Variants in POLR3A observed in about 807,000 individuals in gnomAD.
The protein encoded by POLR3A is DNA-directed RNA polymerase III subunit RPC1.
In POLR3A, 112 loss-of-function variants were observed where a neutral mutation model predicts 152.8. The ratio of observed to expected loss-of-function variants is 0.73; its 90% CI spans 0.63 to 0.86. The LOEUF is 0.86. Among genes scored for constraint, POLR3A ranks in the 40% least tolerant of loss-of-function variants. The pLI is 0.00. For missense variants in POLR3A, 1,385 were observed against 1,743.1 expected (o/e 0.79, Z 3.66); for synonymous variants, 615 against 652.1 (o/e 0.94, Z 0.87).
chr10:77,992,351 C>G (rs1847257266), intron 20 of POLR3A, among the ~76,000 whole-genome samples: 1 of 150,942 alleles, frequency 6.6e-6, no homozygotes, highest in Non-Finnish European at 1.5e-5. Context: ...CTCACTGTGG[C>G]CTCAAATTCC....
In POLR3A at chr10:78,009,680, G is replaced by A. The variant is rs199733994; in HGVS notation, c.1771-5C>T. 104 of 1,610,584 alleles carry A rather than the reference G, an allele frequency of 6.5e-5. 1 individual carries two copies. The highest frequency in any genetic ancestry group is 2.8e-4 in the African/African-American group (21 of 74,932). Reference sequence around the variant, plus strand: ...TCCCGTCCACAGGGTGACAGGCTGAGGGGGGGAGGAAGCCTGAGAGTCAGT... The same window carrying A: ...TCCCGTCCACAGGGTGACAGGCTGAAGGGGGGAGGAAGCCTGAGAGTCAGT... On this transcript the variant is annotated splice_polypyrimidine_tract_variant and splice_region_variant and intron_variant, in intron 13 of 30. Transcript: ENST00000372371.
intron 19 of POLR3A, among the ~76,000 whole-genome samples, chr10:77,996,277 C>T (rs142483994): frequency 0.13 from 19,281 of 151,990 alleles, 2,356 homozygotes; most frequent in African/African-American, 0.31. Context: ...CAAACACATT[C>T]AAAAGCTAGC....
rs117201371 is a variant in POLR3A, at chr10:78,029,510, A to C, written c.-103T>G. 2 of 1,124,342 alleles carry C rather than the reference A, an allele frequency of 1.8e-6. No homozygotes were observed. Among genetic ancestry groups the C allele is most frequent in the Non-Finnish European group, 2.7e-6 (2 of 750,674 alleles). The allele number at this position is 1,124,342 out of a possible 1,614,324, so 69.6% of individuals were successfully genotyped here. A position where few individuals can be genotyped will look rare whatever the true frequency, so the allele number is the denominator to read the frequency against. Reference sequence around the variant, plus strand: ...CTGCTTCTGGACTCGCCGCTAACACATCTGCGGCATCCTCTCGGCCACCGT... The same window carrying C: ...CTGCTTCTGGACTCGCCGCTAACACCTCTGCGGCATCCTCTCGGCCACCGT... On this transcript the variant is annotated 5_prime_UTR_variant, in exon 1 of 31. The change abolishes an upstream ATG in the 5' untranslated region. Coordinates refer to ENST00000372371, the MANE Select transcript of POLR3A (RefSeq NM_007055.4).
In POLR3A at chr10:78,024,509, G is replaced by A. The variant is rs112215264; in HGVS notation, c.645+40C>T. On this transcript the variant is annotated intron_variant, in intron 5 of 30. Coordinates refer to ENST00000372371, the MANE Select transcript of POLR3A (RefSeq NM_007055.4). ...CATGTGACGTGCGGAAGAGGCAGGC[G>A]GGAGGCAGGCGGAAGGCAGGCGTGC... is the stretch of plus-strand genomic sequence containing the variant. 2.6e-4 allele frequency: 410 copies of A among 1,606,860 alleles called. 3 individuals carry two copies. Among genetic ancestry groups the A allele is most frequent in the Middle Eastern group, 1.1e-3 (5 of 4,666 alleles).
In POLR3A at chr10:78,022,372, G is replaced by A; in HGVS notation, c.658C>T (p.Pro220Ser). The A allele has an allele frequency of 1.2e-6, 2 of 1,613,778 alleles. No homozygotes were observed. The highest frequency in any genetic ancestry group is 1.7e-6 in the Non-Finnish European group (2 of 1,179,932). ...LLGRAQENLNPLVVLNLFKRI... is the reference protein window; with the variant it reads ...LLGRAQENLNSLVVLNLFKRI... ...TTAAATAAATTCAGAACTACTAAGG[G>A]ATTCAAGTTTTCCTATGGAAACGAA... The change falls in exon 6 of 31, where the codon CCC (proline) becomes TCC (serine). Residue 220 changes from proline to serine, a missense_variant. Transcript: ENST00000372371.
At chr10:78,029,285 C>T (rs1847667143) in intron 1 of POLR3A, 79 bp downstream of exon 1, 1 of 1,444,572 alleles carries the variant, frequency 6.9e-7, no homozygotes, top group Non-Finnish European at 9.7e-7. Flanking sequence ...CCATCTCTGA[C>T]CCTGCAAGAC....
At position 77,985,893 on chromosome 10, in the gene POLR3A, G is replaced by C; in HGVS notation, c.3071+10C>G. The C allele has an allele frequency of 6.2e-7, 1 of 1,607,160 alleles. No individual in the cohort carries two copies. The highest frequency in any genetic ancestry group is 1.1e-5 in the South Asian group (1 of 90,968). Reference sequence around the variant, plus strand: ...GGATGACCGTCAGTCCAAGACAAAAGCATCCCTACCTCATGTACTTGTCCC... The same window carrying C: ...GGATGACCGTCAGTCCAAGACAAAACCATCCCTACCTCATGTACTTGTCCC... On this transcript the variant is annotated intron_variant, in intron 23 of 30. Coordinates refer to ENST00000372371, the MANE Select transcript of POLR3A (RefSeq NM_007055.4).
rs1589300846 is a variant in POLR3A, at chr10:77,977,372, G to C, written c.*106C>G. On this transcript the variant is annotated 3_prime_UTR_variant, in exon 31 of 31. Transcript: ENST00000372371. Reference sequence around the variant, plus strand: ...GAGGGCTTCTCTGATTGCTGGCATAGGTGGGGACCTCAGGACCCCCGTCCC... The same window carrying C: ...GAGGGCTTCTCTGATTGCTGGCATACGTGGGGACCTCAGGACCCCCGTCCC... 6.2e-6 allele frequency: 7 copies of C among 1,136,842 alleles called. No homozygotes were observed. The East Asian group carries it at 1.6e-4, about 27-fold the overall frequency. 70.4% of individuals were successfully genotyped at this position (1,136,842 alleles called of 1,614,324 possible). A position where few individuals can be genotyped will look rare whatever the true frequency, so the allele number is the denominator to read the frequency against.
intron 30 of POLR3A, among the ~76,000 whole-genome samples, chr10:77,979,007 C>A (rs932906441): frequency 4.0e-5 from 6 of 151,250 alleles, no homozygotes; most frequent in African/African-American, 1.5e-4. Flanking sequence ...GACACGAGTT[C>A]TCATTATGTT....
intron 16 of POLR3A, among the ~76,000 whole-genome samples, chr10:78,003,432 GAA>G (rs1847376244): frequency 6.6e-6 from 1 of 152,242 alleles, no homozygotes; most frequent in Admixed American, 6.5e-5. Context: ...ACGGCCAGGT[GAA>G]AGCCTGGTGC....
At chr10:77,982,512 A>G in intron 27 of POLR3A, 141 bp downstream of exon 27, 2 of 901,134 alleles carry the variant, frequency 2.2e-6, no homozygotes, top group Non-Finnish European at 1.8e-6. Flanking sequence ...ACAGAGAGGA[A>G]TCTAACAGAC....
chr10:78,020,680 C>T (rs796683726), intron 8 of POLR3A, among the ~76,000 whole-genome samples: 28 of 152,024 alleles, frequency 1.8e-4, no homozygotes, highest in African/African-American at 6.3e-4. Flanking sequence ...CCCAGCTACT[C>T]GGGAGGCTGA....
intron 3 of POLR3A, 25 bp downstream of exon 3, chr10:78,025,597 T>C: frequency 1.2e-6 from 2 of 1,613,656 alleles, no homozygotes; most frequent in Non-Finnish European, 1.7e-6. Flanking sequence ...ATTTATGTCT[T>C]GGAAATCAGC....
rs758144618 is a variant in POLR3A at position 77,976,067 on chromosome 10, C to G, written c.*1411G>C. Reference sequence around the variant, plus strand: ...AGTTAATAGGTCTACCTTGTAGATGCAGGGAAATCAAAAGGTCAAACTATA... The same window carrying G: ...AGTTAATAGGTCTACCTTGTAGATGGAGGGAAATCAAAAGGTCAAACTATA... On this transcript the variant is annotated 3_prime_UTR_variant, in exon 31 of 31. Transcript: ENST00000372371. The G allele has an allele frequency of 6.6e-6, 1 of 151,780 alleles. No homozygotes were observed. The highest frequency in any genetic ancestry group is 1.5e-5 in the Non-Finnish European group (1 of 67,958). 9.4% of individuals were successfully genotyped at this position (151,780 alleles called of 1,614,324 possible).
rs2131935469 is a variant in POLR3A, at chr10:77,991,129, T to C, written c.2826A>G (p.Lys942=). The C allele has an allele frequency of 6.2e-7, 1 of 1,613,824 alleles. No homozygotes were observed. Among genetic ancestry groups the C allele is most frequent in the Non-Finnish European group, 8.5e-7 (1 of 1,179,716 alleles). The change falls in exon 21 of 31, where the codon AAA becomes AAG. Residue 942 remains lysine (K), a synonymous_variant. Transcript: ENST00000372371. ...FPCPSEPALS[K]NELILTTESI... ...ACTCTGTGGTCAGGATCAGCTCGTT[T>C]TTGCTGAGAGCAGGCTCACTGGGAC...
At chr10:77,987,732 C>T (rs991506774) in intron 21 of POLR3A, among the ~76,000 whole-genome samples, 4 of 152,234 alleles carry the variant, frequency 2.6e-5, no homozygotes, top group Admixed American at 1.3e-4. Context: ...CTAGTTACTA[C>T]CCTTTCTACA....
At chr10:78,020,340 ATTAG>A (rs1404257157) in intron 8 of POLR3A, among the ~76,000 whole-genome samples, 3 of 152,006 alleles carry the variant, frequency 2.0e-5, no homozygotes, top group Admixed American at 1.3e-4. Context: ...TTTTTAAAAA[ATTAG>A]TTAGGCATAG....
At chr10:78,010,902 G>C (rs965491298) in intron 11 of POLR3A, among the ~76,000 whole-genome samples, 2 of 152,172 alleles carry the variant, frequency 1.3e-5, no homozygotes, top group African/African-American at 4.8e-5. Flanking sequence ...AGAGTGCAGT[G>C]GTGCAAATAT....
At chr10:77,999,036 C>T (rs892001746) in intron 19 of POLR3A, among the ~76,000 whole-genome samples, 1 of 152,130 alleles carries the variant, frequency 6.6e-6, no homozygotes, top group Admixed American at 6.6e-5. Flanking sequence ...TCATTCTCAG[C>T]AAACTATCCC....
Sources: allele counts gnomAD v4.1 joint callset (sites outside exome capture counted in the v4.1 genomes callset), GRCh38; gene constraint gnomAD v4.1.1; transcripts MANE v1.5; gene names NCBI Gene and HGNC (gene_info 2026-07-23, HGNC 2026-07-21).